C3orf52: variants seen among roughly 807,000 people sequenced by gnomAD.
C3orf52 encodes chromosome 3 open reading frame 52, also known as TPA-induced transmembrane protein.
C3orf52 carries 22 observed loss-of-function variants against 24.8 expected under a neutral mutation model. That is an observed-to-expected ratio of 0.89 (90% CI 0.63 to 1.27). C3orf52 has a LOEUF of 1.27. C3orf52 is among the 50% of genes most tolerant of loss of function. The pLI is 0.00. For missense variants in C3orf52, 265 were observed against 260.7 expected, an observed-to-expected ratio of 1.02 and a Z score of -0.11; for synonymous variants, 93 against 100.2, an observed-to-expected ratio of 0.93 and a Z score of 0.43.
chr3:112,099,229 T>C (rs1422444940), intron 2 of C3orf52, among the ~76,000 whole-genome samples: 1 of 152,164 alleles, frequency 6.6e-6, no homozygotes, highest in Non-Finnish European at 1.5e-5. Flanking sequence ...TCTTCATAAA[T>C]TGCCCAGTCT....
intron 4 of C3orf52, chr3:112,127,923 A>G: frequency 9.9e-7 from 1 of 1,010,268 alleles, no homozygotes. Flanking sequence ...ACAGGCTTCC[A>G]CTGTGGCCAC....
At chr3:112,115,291 G>A (rs2074124109) in intron 5 of C3orf52, among the ~76,000 whole-genome samples, 1 of 152,210 alleles carries the variant, frequency 6.6e-6, no homozygotes, top group South Asian at 2.1e-4. Context: ...TCGCAGGCAT[G>A]CAGGCAGATG....
At chr3:112,109,668 AC>A in intron 4 of C3orf52, 55 bp downstream of exon 4, 1 of 1,067,024 alleles carries the variant, frequency 9.4e-7, no homozygotes, top group Non-Finnish European at 1.4e-6. Context: ...AGATCCCCCC[AC>A]CCCACCCTTC....
At position 112,102,920 on chromosome 3, in the gene C3orf52, G is replaced by A. The variant is rs1356710450; in HGVS notation, c.351G>A (p.Glu117=). 6.2e-7 allele frequency: 1 copy of A among 1,611,546 alleles called. No individual in the cohort carries two copies. The highest frequency in any genetic ancestry group is 8.5e-7 in the Non-Finnish European group (1 of 1,178,960). The change falls in exon 3 of 6, where the codon GAG becomes GAA. Residue 117 remains glutamate (E), a synonymous_variant. Coordinates refer to ENST00000264848, the MANE Select transcript of C3orf52 (RefSeq NM_024616.3). ...TCTTCATCATGCTGAAGATTCCAGA[G>A]GAGTGTGTTGCTGAAGAGGAATTGC... ...KTFFIMLKIP[E]ECVAEEELPH...
chr3:112,094,512 G>C (rs2073909688), intron 2 of C3orf52, among the ~76,000 whole-genome samples: 1 of 151,974 alleles, frequency 6.6e-6, no homozygotes, highest in African/African-American at 2.4e-5. Context: ...CTAGTCTTTT[G>C]TTTAGTTGCA....
rs186708137 is a variant in C3orf52, at chr3:112,117,791, T to G, written c.*1145T>G. 6.6e-6 allele frequency: 1 copy of G among 152,248 alleles called. No individual in the cohort carries two copies. Among genetic ancestry groups the G allele is most frequent in the Non-Finnish European group, 1.5e-5 (1 of 68,040 alleles). 9.4% of individuals were successfully genotyped at this position (152,248 alleles called of 1,614,324 possible). A position where few individuals can be genotyped will look rare whatever the true frequency, so the allele number is the denominator to read the frequency against. ...ACAGAATTGCCTGTTGTGAGGGAAC[T>G]GATTGTTTTGTTGGGAAAAGAAATT... On this transcript the variant is annotated 3_prime_UTR_variant, in exon 6 of 6. Transcript: ENST00000264848.
chr3:112,109,541 A>T lies in C3orf52; in HGVS notation c.397-2A>T. On this transcript the variant is annotated splice_acceptor_variant, in intron 3 of 5. Coordinates refer to ENST00000264848, the MANE Select transcript of C3orf52 (RefSeq NM_024616.3). LOFTEE classifies it high-confidence loss of function. ...TGGTTTAATTTGCTTCTGTTTGTTTAGCTCACAGATGTGTACAGTACATCG... is the reference window on the plus strand; with the variant it reads ...TGGTTTAATTTGCTTCTGTTTGTTTTGCTCACAGATGTGTACAGTACATCG... 6.3e-7 allele frequency: 1 copy of T among 1,581,234 alleles called. No homozygotes were observed. Among genetic ancestry groups the T allele is most frequent in the Non-Finnish European group, 8.7e-7 (1 of 1,155,364 alleles).
intron 3 of C3orf52, among the ~76,000 whole-genome samples, chr3:112,106,083 T>C (rs2074020766): frequency 6.6e-6 from 1 of 152,158 alleles, no homozygotes; most frequent in Non-Finnish European, 1.5e-5. Flanking sequence ...CTTTCAGGTG[T>C]GCCACTCTCC....
chr3:112,114,225 G>A (rs1022822603), intron 5 of C3orf52, among the ~76,000 whole-genome samples: 1 of 152,074 alleles, frequency 6.6e-6, no homozygotes, highest in African/African-American at 2.4e-5. Context: ...GGCCTAAGAA[G>A]GCAGAACGTT....
chr3:112,099,189 C>T (rs374354663), intron 2 of C3orf52, among the ~76,000 whole-genome samples: 10 of 152,068 alleles, frequency 6.6e-5, no homozygotes, highest in Admixed American at 1.3e-4. Flanking sequence ...CTGTTAAGCC[C>T]GCAGAACTGT....
intron 2 of C3orf52, among the ~76,000 whole-genome samples, chr3:112,100,057 A>G (rs2073958225): frequency 6.6e-6 from 1 of 152,158 alleles, no homozygotes; most frequent in Non-Finnish European, 1.5e-5. Context: ...GGGCTTTCTC[A>G]TTAATTTTTT....
chr3:112,130,597 A>G (rs1227321242), downstream of C3orf52: 7 of 1,175,908 alleles, frequency 6.0e-6, no homozygotes, highest in East Asian at 9.3e-5. Flanking sequence ...GACTTTCCTC[A>G]TTTCTGCTAT....
downstream of C3orf52, chr3:112,119,611 C>A: frequency 1.5e-6 from 1 of 688,644 alleles, no homozygotes; most frequent in Non-Finnish European, 2.6e-6. Flanking sequence ...GGACATGAAT[C>A]CTGTCCTATT....
At chr3:112,115,712 A>G (rs1396481953) in intron 5 of C3orf52, among the ~76,000 whole-genome samples, 2 of 152,216 alleles carry the variant, frequency 1.3e-5, no homozygotes, top group Non-Finnish European at 2.9e-5. Context: ...TTAGAAGCAG[A>G]ATCCAAAATT....
chr3:112,126,914 G>T, intron 4 of C3orf52: 1 of 1,031,724 alleles, frequency 9.7e-7, no homozygotes, highest in South Asian at 1.3e-5. Flanking sequence ...GGGGCTTTGG[G>T]AACATAGAGA....
downstream of C3orf52, among the ~76,000 whole-genome samples, chr3:112,119,068 GA>G (rs539379725): frequency 1.7e-3 from 265 of 152,204 alleles, no homozygotes; most frequent in African/African-American, 6.1e-3. Flanking sequence ...GGAAACAGCA[GA>G]AAAAAATACC....
At chr3:112,100,675 A>G (rs2073964685) in intron 2 of C3orf52, among the ~76,000 whole-genome samples, 1 of 152,222 alleles carries the variant, frequency 6.6e-6, no homozygotes, top group Non-Finnish European at 1.5e-5. Flanking sequence ...ATGGAAATCT[A>G]CATGGTGGGT....
exon 5 of C3orf52, chr3:112,128,507 T>C (rs2074380478): frequency 3.1e-6 from 1 of 317,832 alleles, no homozygotes; most frequent in African/African-American, 2.2e-5. Context: ...CTCACTTGTC[T>C]ATATTCTACA....
chr3:112,114,236 A>G (rs2074113588), intron 5 of C3orf52, among the ~76,000 whole-genome samples: 1 of 152,158 alleles, frequency 6.6e-6, no homozygotes, highest in South Asian at 2.1e-4. Context: ...GCAGAACGTT[A>G]TGTAAAACAG....
Sources: gnomAD v4.1 joint callset for allele counts (sites outside exome capture counted in the v4.1 genomes callset) on GRCh38, gnomAD v4.1.1 for gene constraint, MANE v1.5 for transcripts, NCBI Gene and HGNC (gene_info 2026-07-23, HGNC 2026-07-21) for gene names.